RPS5: variants seen among roughly 807,000 people sequenced by gnomAD.
RPS5 encodes small ribosomal subunit protein uS7.
RPS5 carries 2 observed loss-of-function variants against 20.9 expected under a neutral mutation model. That is an observed-to-expected ratio of 0.10 (90% CI 0.04 to 0.30). RPS5 has a LOEUF of 0.30. Among genes scored for constraint, RPS5 ranks in the 10% least tolerant of loss-of-function variants. The probability of loss-of-function intolerance (pLI) is 1.00; values close to 1 mark genes in which losing one functional copy is unlikely to be tolerated. For missense variants in RPS5, 122 were observed against 287.2 expected (o/e 0.42, Z 4.16); for synonymous variants, 112 against 105.8 (o/e 1.06, Z -0.36).
intron 4 of RPS5, chr19:58,393,741 T>TG: frequency 3.6e-5 from 16 of 438,374 alleles, no homozygotes; most frequent in South Asian, 1.0e-4. Flanking sequence ...TATGTACTTT[T>TG]TTTTTTTTTC....
At chr19:58,393,593 A>G (rs2052377855) in intron 4 of RPS5, 106 bp downstream of exon 4, 1 of 1,409,746 alleles carries the variant, frequency 7.1e-7, no homozygotes, top group Non-Finnish European at 9.5e-7. Context: ...TTTTACCTGC[A>G]GCATCACTTC....
At position 58,388,159 on chromosome 19, in the gene RPS5, G is replaced by T; in HGVS notation, c.22G>T (p.Ala8Ser). The change falls in exon 2 of 6, where the codon GCA becomes TCA. Residue 8 changes from alanine to serine, a missense_variant. Around this residue, in one of 6 missense-constraint regions of RPS5, gnomAD observed 22 missense variants for 38.0 expected, o/e 0.58. Coordinates refer to ENST00000196551, the MANE Select transcript of RPS5 (RefSeq NM_001009.4). ...CAGGATGACCGAGTGGGAGACAGCAGCACCAGCGGTGGCAGAGACCCCAGA... is the reference window on the plus strand; with the variant it reads ...CAGGATGACCGAGTGGGAGACAGCATCACCAGCGGTGGCAGAGACCCCAGA... MTEWETA[A>S]PAVAETPDIK... 1 of 1,612,680 alleles carries T rather than the reference G, an allele frequency of 6.2e-7. No individual in the cohort carries two copies. Among genetic ancestry groups the T allele is most frequent in the African/African-American group, 1.3e-5 (1 of 75,004 alleles).
At chr19:58,387,749 C>T in intron 1 of RPS5, 1 of 252,202 alleles carries the variant, frequency 4.0e-6, no homozygotes, top group Non-Finnish European at 7.9e-6. Context: ...ACGGTCCCGC[C>T]TCACGGCCAA....
Position 58,394,797 on chromosome 19 carries a change from C to T in RPS5, c.*47C>T. The T allele has an allele frequency of 6.3e-7, 1 of 1,583,208 alleles. No homozygotes were observed. The highest frequency in any genetic ancestry group is 8.7e-7 in the Non-Finnish European group (1 of 1,152,310). ...AAACCTGTCTGCCCTTTGGGGCAGT[C>T]CCAGCCACCTGTGCTGTTGTCTGTC... On this transcript the variant is annotated 3_prime_UTR_variant, in exon 6 of 6. Coordinates refer to ENST00000196551, the MANE Select transcript of RPS5 (RefSeq NM_001009.4).
chr19:58,392,745 T>C (rs533468233), intron 2 of RPS5, among the ~76,000 whole-genome samples: 1 of 152,182 alleles, frequency 6.6e-6, no homozygotes, highest in East Asian at 1.9e-4. Context: ...TTCCCACTCT[T>C]CCATTACGAA....
At position 58,391,203 on chromosome 19, in the gene RPS5, G is replaced by A. The variant is rs375343734; in HGVS notation, c.109-1773G>A. Among the ~76,000 whole-genome samples the A allele has an allele frequency of 1.8e-4, 27 of 152,066 alleles. No individual in the cohort carries two copies. In the South Asian group the frequency reaches 5.2e-3, roughly 29 times the overall value. Reference sequence around the variant, plus strand: ...TCCCAGCACTTTGGGAGACTGAGGCGGGCAGATCATCTGAGGTCAGGGGTT... The same window carrying A: ...TCCCAGCACTTTGGGAGACTGAGGCAGGCAGATCATCTGAGGTCAGGGGTT... On this transcript the variant is annotated intron_variant, in intron 2 of 5. Coordinates refer to ENST00000196551, the MANE Select transcript of RPS5 (RefSeq NM_001009.4).
At chr19:58,388,367 G>A in intron 2 of RPS5, 122 bp downstream of exon 2, 1 of 705,708 alleles carries the variant, frequency 1.4e-6, no homozygotes, top group South Asian at 1.7e-5. Context: ...GTAAAGAAGG[G>A]ATCCCTTGAC....
intron 2 of RPS5, among the ~76,000 whole-genome samples, chr19:58,390,905 G>C (rs1390173612): frequency 6.6e-6 from 1 of 151,968 alleles, no homozygotes; most frequent in East Asian, 1.9e-4. Flanking sequence ...TCAGTGTCCT[G>C]TGTTCTTTTC....
Position 58,393,233 on chromosome 19 carries a change from C to G in RPS5, c.318+48C>G, listed in dbSNP as rs563656934. The G allele has an allele frequency of 1.7e-4, 278 of 1,612,796 alleles. 3 individuals are homozygous for G. In the South Asian group the frequency reaches 2.9e-3, roughly 17 times the overall value. On this transcript the variant is annotated intron_variant, in intron 3 of 5. Coordinates refer to ENST00000196551, the MANE Select transcript of RPS5 (RefSeq NM_001009.4). Reference sequence around the variant, plus strand: ...GGGCAGGCTGTGCCCTCAGTACACCCGAAAGCCCCACGGAGTGTATGTCAG... The same window carrying G: ...GGGCAGGCTGTGCCCTCAGTACACCGGAAAGCCCCACGGAGTGTATGTCAG...
chr19:58,391,399 T>G (rs1453922432), intron 2 of RPS5, among the ~76,000 whole-genome samples: 3 of 127,696 alleles, frequency 2.3e-5, no homozygotes, highest in South Asian at 2.6e-4. Flanking sequence ...GCCATTGCAC[T>G]CCAGCCTGGC....
intron 2 of RPS5, among the ~76,000 whole-genome samples, chr19:58,391,518 G>T (rs2052363562): frequency 6.6e-6 from 1 of 151,446 alleles, no homozygotes; most frequent in Non-Finnish European, 1.5e-5. Flanking sequence ...CAGGAGAATT[G>T]CTTCAACCCA....
At chr19:58,389,829 G>A (rs1222137934) in intron 2 of RPS5, among the ~76,000 whole-genome samples, 1 of 151,224 alleles carries the variant, frequency 6.6e-6, no homozygotes, top group East Asian at 1.9e-4. Flanking sequence ...TAGAGACGGG[G>A]TTTCACCATG....
chr19:58,389,259 CT>C (rs939781269), intron 2 of RPS5, among the ~76,000 whole-genome samples: 3 of 151,308 alleles, frequency 2.0e-5, no homozygotes, highest in South Asian at 2.1e-4. Context: ...CTTTCCTCCT[CT>C]TTTTTTTTAA....
rs139707239 is a variant in RPS5, at chr19:58,390,335, T to G, written c.108+2090T>G. Among the ~76,000 whole-genome samples, 1,104 of 150,010 alleles carry G rather than the reference T, an allele frequency of 7.4e-3. 58 individuals are homozygous for G. Among genetic ancestry groups the G allele is most frequent in the Admixed American group, 0.064 (961 of 15,066 alleles). ...TCAGCCTCCCGAAGTGCTGGGGTTA[T>G]AGGCATGAGCCACTGCGCCCAGCCC... On this transcript the variant is annotated intron_variant, in intron 2 of 5. Coordinates refer to ENST00000196551, the MANE Select transcript of RPS5 (RefSeq NM_001009.4).
At chr19:58,394,104 T>C in intron 4 of RPS5, 1 of 206,346 alleles carries the variant, frequency 4.8e-6, no homozygotes, top group African/African-American at 2.3e-5. Flanking sequence ...CCTGGCCGCC[T>C]TTTTTGTTGT....
intron 2 of RPS5, among the ~76,000 whole-genome samples, chr19:58,389,254 C>T (rs1380094743): frequency 6.6e-6 from 1 of 151,912 alleles, no homozygotes; most frequent in African/African-American, 2.4e-5. Flanking sequence ...ATTCACTTTC[C>T]TCCTCTTTTT....
At chr19:58,392,079 T>G (rs779225486) in intron 2 of RPS5, among the ~76,000 whole-genome samples, 87 of 152,186 alleles carry the variant, frequency 5.7e-4, no homozygotes, top group Non-Finnish European at 1.0e-3. Flanking sequence ...TTCAGCACTT[T>G]GGGAGCACAA....
At chr19:58,389,035 G>A (rs1248168985) in intron 2 of RPS5, among the ~76,000 whole-genome samples, 1 of 152,054 alleles carries the variant, frequency 6.6e-6, no homozygotes, top group Admixed American at 6.6e-5. Context: ...TTTTGCAATT[G>A]GGAAGTGTGA....
At chr19:58,390,298 G>A (rs756545449) in intron 2 of RPS5, among the ~76,000 whole-genome samples, 9 of 150,846 alleles carry the variant, frequency 6.0e-5, no homozygotes, top group African/African-American at 9.8e-5. Context: ...AGGGTCATGC[G>A]ACTTTCCTGC....
Sources: allele counts gnomAD v4.1 joint callset (sites outside exome capture counted in the v4.1 genomes callset), GRCh38; gene constraint gnomAD v4.1.1; regional missense constraint gnomAD v4.1.1; transcripts MANE v1.5; gene names NCBI Gene and HGNC (gene_info 2026-07-23, HGNC 2026-07-21).